RBM25: variants seen among roughly 807,000 people sequenced by gnomAD.
RBM25 encodes RNA binding motif protein 25, also known as RNA-binding protein 25.
A neutral mutation model predicts 120.7 loss-of-function variants in RBM25; 19 were observed. The observed-to-expected ratio is 0.16, with a 90% CI of 0.11 to 0.23. RBM25 has a LOEUF of 0.23. Among genes scored for constraint, RBM25 ranks in the 10% least tolerant of loss-of-function variants. The pLI, the probability that RBM25 is intolerant of heterozygous loss-of-function variation, is 1.00. For missense variants in RBM25, 605 were observed against 1,041.5 expected (o/e 0.58, Z 5.77); for synonymous variants, 390 against 326.7 (o/e 1.19, Z -2.09).
At chr14:73,105,363 A>C (rs990533884) in intron 10 of RBM25, among the ~76,000 whole-genome samples, 2 of 152,190 alleles carry the variant, frequency 1.3e-5, no homozygotes, top group African/African-American at 4.8e-5. Flanking sequence ...TTCAGTGCTG[A>C]TACTTATAAA....
intron 9 of RBM25, 155 bp downstream of exon 9, chr14:73,099,905 A>G: frequency 3.4e-6 from 4 of 1,190,742 alleles, no homozygotes; most frequent in Non-Finnish European, 4.4e-6. Flanking sequence ...ACAGAAGACC[A>G]ATACCATATT....
intron 6 of RBM25, among the ~76,000 whole-genome samples, chr14:73,092,963 G>A (rs900141799): frequency 1.3e-5 from 2 of 152,156 alleles, no homozygotes; most frequent in Non-Finnish European, 2.9e-5. Flanking sequence ...GAATTTGCAG[G>A]TGTAACTTTT....
At chr14:73,103,625 G>C (rs990987432) in intron 10 of RBM25, 147 bp downstream of exon 10, 1 of 1,242,834 alleles carries the variant, frequency 8.0e-7, no homozygotes, top group African/African-American at 1.5e-5. Context: ...GACTGCAGTG[G>C]CTGAGCAATC....
chr14:73,096,128 C>T (rs1397901649), intron 6 of RBM25, among the ~76,000 whole-genome samples: 2 of 152,150 alleles, frequency 1.3e-5, no homozygotes, highest in Non-Finnish European at 2.9e-5. Context: ...TAGGCATGCA[C>T]CACCGCACTC....
chr14:73,069,725 T>G (rs1895229678), intron 1 of RBM25: 1 of 107,400 alleles, frequency 9.3e-6, no homozygotes, highest in Non-Finnish European at 1.7e-5. Flanking sequence ...TGAGCCACCG[T>G]GCCTGGCCGA....
chr14:73,103,150 A>G (rs759286714), intron 9 of RBM25, 42 bp from the exon 10 acceptor site: 1 of 1,580,552 alleles, frequency 6.3e-7, no homozygotes, highest in East Asian at 2.2e-5. Context: ...TGAATACTGG[A>G]GCTACAGAGT....
In RBM25 at chr14:73,109,247, G is replaced by A. The variant is rs1170251387; in HGVS notation, c.1542-95G>A. ...CATTCTTTAACCTCTTAGCATGCAG[G>A]TTGTAATGTTGAAAAGAGGTGCTGT... is the stretch of plus-strand genomic sequence containing the variant. On this transcript the variant is annotated intron_variant, in intron 13 of 18. Coordinates refer to ENST00000261973, the MANE Select transcript of RBM25 (RefSeq NM_021239.3). The A allele has an allele frequency of 6.8e-6, 9 of 1,316,184 alleles. No individual in the cohort carries two copies. In the African/African-American group the frequency reaches 7.4e-5, roughly 11 times the overall value. 81.5% of individuals were successfully genotyped at this position (1,316,184 alleles called of 1,614,324 possible). A position where few individuals can be genotyped will look rare whatever the true frequency, so the allele number is the denominator to read the frequency against.
intron 1 of RBM25, among the ~76,000 whole-genome samples, chr14:73,064,448 G>A (rs1203126938): frequency 6.6e-6 from 1 of 151,310 alleles, no homozygotes; most frequent in Non-Finnish European, 1.5e-5. Context: ...AGGTTGGAGT[G>A]CAGTGGCGCG....
At chr14:73,064,879 G>A (rs1895089396) in intron 1 of RBM25, 1 of 150,910 alleles carries the variant, frequency 6.6e-6, no homozygotes, top group Non-Finnish European at 1.5e-5. Context: ...AAATATATCT[G>A]GTTAACTCTG....
chr14:73,075,754 A>G (rs1458399193), intron 2 of RBM25, among the ~76,000 whole-genome samples: 1 of 150,420 alleles, frequency 6.6e-6, no homozygotes, highest in Non-Finnish European at 1.5e-5. Flanking sequence ...AATATAGTAC[A>G]CTTACTAACT....
chr14:73,068,003 A>G, intron 1 of RBM25: 2 of 306,212 alleles, frequency 6.5e-6, no homozygotes, highest in South Asian at 1.1e-4. Flanking sequence ...GTCTGAGTTG[A>G]CTGCCAGTTT....
chr14:73,107,108 T>C (rs1482263715), intron 12 of RBM25, among the ~76,000 whole-genome samples: 3 of 152,224 alleles, frequency 2.0e-5, no homozygotes, highest in African/African-American at 7.2e-5. Flanking sequence ...CCCAAAGTGC[T>C]GGGATTACAG....
At chr14:73,100,666 A>G (rs2140453046) in intron 9 of RBM25, 1 of 200,848 alleles carries the variant, frequency 5.0e-6, no homozygotes, top group South Asian at 1.8e-4. Flanking sequence ...TTAAATGTTC[A>G]TTTTCTCTTT....
At chr14:73,114,253 AT>A (rs1566602358) in intron 17 of RBM25, 32 bp from the exon 18 acceptor site, 2 of 1,443,118 alleles carry the variant, frequency 1.4e-6, no homozygotes, top group Admixed American at 2.4e-5. Flanking sequence ...TTTTTTATTT[AT>A]TTTTAATGTG....
intron 9 of RBM25, chr14:73,101,517 T>TAC (rs2140453679): frequency 6.7e-6 from 1 of 150,072 alleles, no homozygotes; most frequent in South Asian, 2.1e-4. Flanking sequence ...TGTGTGTATA[T>TAC]ATATATATAT....
chr14:73,110,621 G>A (rs989164792), intron 14 of RBM25, among the ~76,000 whole-genome samples: 1 of 151,856 alleles, frequency 6.6e-6, no homozygotes, highest in Non-Finnish European at 1.5e-5. Flanking sequence ...TAAAGACAGC[G>A]TTTCACCATG....
At chr14:73,111,204 A>G in intron 15 of RBM25, 49 bp downstream of exon 15, 1 of 1,457,702 alleles carries the variant, frequency 6.9e-7, no homozygotes, top group South Asian at 1.2e-5. Flanking sequence ...TCACCCCTGC[A>G]AATACCTGTA....
chr14:73,097,064 T>C lies in RBM25; in HGVS notation c.693T>C (p.Ser231=), dbSNP rs773627217. 15 of 1,612,610 alleles carry C rather than the reference T, an allele frequency of 9.3e-6. No homozygotes were observed. Among genetic ancestry groups the C allele is most frequent in the Non-Finnish European group, 1.2e-5 (14 of 1,179,702 alleles). ...ELNAPSQESD[S]HPRKKKKEKK... ...ATGCCCCCTCACAGGAATCTGATTC[T>C]CACCCCAGGAAGAAGAAGAAGGAAA... The change falls in exon 7 of 19, where the codon TCT becomes TCC. Residue 231 remains serine, a synonymous_variant. Coordinates refer to ENST00000261973, the MANE Select transcript of RBM25 (RefSeq NM_021239.3).
At chr14:73,097,350 G>A (rs1313231769) in intron 7 of RBM25, among the ~76,000 whole-genome samples, 4 of 151,884 alleles carry the variant, frequency 2.6e-5, no homozygotes, top group East Asian at 1.9e-4. Flanking sequence ...ACAGGCATCC[G>A]CCACCATGCC....
Sources: gnomAD v4.1 joint callset for allele counts (sites outside exome capture counted in the v4.1 genomes callset) on GRCh38, gnomAD v4.1.1 for gene constraint, MANE v1.5 for transcripts, NCBI Gene and HGNC (gene_info 2026-07-23, HGNC 2026-07-21) for gene names.